The following FHOD3 variants were observed in gnomAD, a reference collection of about 807,000 sequenced individuals.
FHOD3 encodes FH1/FH2 domain-containing protein 3.
Under a neutral mutation model 173.0 loss-of-function variants are expected in FHOD3, and 90 were observed. The observed-to-expected ratio is 0.52, with a 90% CI of 0.44 to 0.62. The LOEUF (loss-of-function observed/expected upper bound fraction) is 0.62, where lower values mean the gene tolerates loss of function less well. Ranked by LOEUF, FHOD3 falls within the 20% of genes least tolerant of loss-of-function variation. FHOD3 has a pLI of 0.00. For missense variants in FHOD3, 1,945 were observed against 2,034.7 expected, an observed-to-expected ratio of 0.96 and a Z score of 0.85; for synonymous variants, 828 against 823.0, an observed-to-expected ratio of 1.01 and a Z score of -0.10.
At chr18:36,363,441 C>A (rs902331091) in intron 2 of FHOD3, among the ~76,000 whole-genome samples, 6 of 152,108 alleles carry the variant, frequency 3.9e-5, no homozygotes, top group Admixed American at 1.3e-4. Flanking sequence ...TTTGTCCATA[C>A]CATGAAATAT....
intron 5 of FHOD3, among the ~76,000 whole-genome samples, chr18:36,561,839 A>G (rs951482814): frequency 6.6e-6 from 1 of 152,092 alleles, no homozygotes; most frequent in African/African-American, 2.4e-5. Flanking sequence ...TTGTGTTGGT[A>G]TTGTTGTAGG....
intron 20 of FHOD3, among the ~76,000 whole-genome samples, chr18:36,731,690 A>T (rs993905146): frequency 2.0e-5 from 3 of 152,084 alleles, no homozygotes; most frequent in Non-Finnish European, 2.9e-5. Context: ...ATGATGCCTG[A>T]CTCCAGAGAG....
intron 5 of FHOD3, among the ~76,000 whole-genome samples, chr18:36,529,800 A>AAAAAAT (rs57000345): frequency 2.3e-4 from 35 of 152,294 alleles, no homozygotes; most frequent in African/African-American, 8.2e-4. Flanking sequence ...ACTCTGTCTC[A>AAAAAAT]AAAAATAAAA....
intron 8 of FHOD3, among the ~76,000 whole-genome samples, chr18:36,610,074 G>A (rs1039400990): frequency 6.6e-6 from 1 of 152,232 alleles, no homozygotes; most frequent in Non-Finnish European, 1.5e-5. Context: ...GGTGAAAGGG[G>A]AAGAAGAAGG....
chr18:36,694,976 GGTGTGTGTGT>G (rs34946996), intron 17 of FHOD3, among the ~76,000 whole-genome samples: 1 of 149,144 alleles, frequency 6.7e-6, no homozygotes, highest in Non-Finnish European at 1.5e-5. Flanking sequence ...TGTATACGTG[GGTGTGTGTGT>G]GTGTGTGTGT....
chr18:36,750,522 G>A (rs1028596254), intron 24 of FHOD3, among the ~76,000 whole-genome samples: 1 of 152,122 alleles, frequency 6.6e-6, no homozygotes, highest in African/African-American at 2.4e-5. Flanking sequence ...TGCTTTCATT[G>A]TGATTGCTTT....
intron 2 of FHOD3, among the ~76,000 whole-genome samples, chr18:36,356,382 T>C (rs1339539871): frequency 6.6e-6 from 1 of 152,218 alleles, no homozygotes; most frequent in Non-Finnish European, 1.5e-5. Flanking sequence ...ATCAGAGATG[T>C]GCACAGAAAG....
chr18:36,511,714 C>T (rs1280001615), intron 4 of FHOD3, among the ~76,000 whole-genome samples: 1 of 152,216 alleles, frequency 6.6e-6, no homozygotes, highest in Non-Finnish European at 1.5e-5. Flanking sequence ...AGGCAATGCC[C>T]TTGCTGCCAG....
At position 36,355,643 on chromosome 18, in the gene FHOD3, C is replaced by T. The variant is rs771131930; in HGVS notation, c.270C>T (p.Ala90=). 1.1e-5 allele frequency: 18 copies of T among 1,613,488 alleles called. No individual in the cohort carries two copies. The highest frequency in any genetic ancestry group is 3.3e-5 in the South Asian group (3 of 91,048). Residue 90 remains alanine (A), a splice_region_variant and synonymous_variant, in exon 2 of 29, where the codon GCC becomes GCT. Transcript: ENST00000590592. Reference sequence around the variant, plus strand: ...AGTTGGAAGGCTTCCAGGATGACGCCGGGTAAGAGCAACTGTTCACCCTGC... The same window carrying T: ...AGTTGGAAGGCTTCCAGGATGACGCTGGGTAAGAGCAACTGTTCACCCTGC... The part of the protein sequence containing the change: ...RDELEGFQDD[A]GRGKKHSIIL...
intron 3 of FHOD3, among the ~76,000 whole-genome samples, chr18:36,472,594 A>G (rs1599274820): frequency 6.6e-6 from 1 of 152,176 alleles, no homozygotes; most frequent in East Asian, 1.9e-4. Flanking sequence ...AGCCCTAGGT[A>G]GCCACTGATC....
chr18:36,620,974 C>G (rs926957179), intron 9 of FHOD3, among the ~76,000 whole-genome samples: 1 of 152,252 alleles, frequency 6.6e-6, no homozygotes, highest in Admixed American at 6.5e-5. Flanking sequence ...AGAATTCTTC[C>G]TAATAGAGAA....
chr18:36,532,668 A>T (rs962249140), intron 5 of FHOD3, among the ~76,000 whole-genome samples: 1 of 152,206 alleles, frequency 6.6e-6, no homozygotes, highest in Non-Finnish European at 1.5e-5. Flanking sequence ...AAGAATCAGT[A>T]GTTACCACGT....
chr18:36,493,405 G>A (rs1186842810), intron 3 of FHOD3, among the ~76,000 whole-genome samples: 5 of 152,044 alleles, frequency 3.3e-5, no homozygotes, highest in African/African-American at 1.2e-4. Flanking sequence ...GGGTTGAAAT[G>A]AGCCATGCTT....
At chr18:36,570,962 G>A (rs1194801077) in intron 5 of FHOD3, among the ~76,000 whole-genome samples, 1 of 152,084 alleles carries the variant, frequency 6.6e-6, no homozygotes, top group African/African-American at 2.4e-5. Flanking sequence ...TAGGAACAAG[G>A]CAAGGGTGTT....
chr18:36,311,140 T>A (rs984545643), intron 1 of FHOD3, among the ~76,000 whole-genome samples: 4 of 151,616 alleles, frequency 2.6e-5, no homozygotes, highest in African/African-American at 9.7e-5. Context: ...GGGGAGTCAC[T>A]GAAAGGCCAC....
rs199588527 is a variant in FHOD3, at chr18:36,328,486, C to T, written c.166-27053C>T. On this transcript the variant is annotated intron_variant, in intron 1 of 28. Transcript: ENST00000590592. ...AAAGAGGAGCTGTGCAAGCTGAGAC[C>T]GGGAAGGGGAAGTCCGTAGGGTCTT... Among the ~76,000 whole-genome samples the T allele has an allele frequency of 4.6e-5, 7 of 152,070 alleles. No individual in the cohort carries two copies. The East Asian group carries it at 7.7e-4, about 17-fold the overall frequency.
chr18:36,351,654 A>G (rs1349544137), intron 1 of FHOD3, among the ~76,000 whole-genome samples: 2 of 152,174 alleles, frequency 1.3e-5, no homozygotes, highest in African/African-American at 2.4e-5. Flanking sequence ...AGAACAGGCC[A>G]TTGTGCTAAG....
intron 1 of FHOD3, among the ~76,000 whole-genome samples, chr18:36,306,701 T>A (rs1374278713): frequency 3.9e-5 from 6 of 152,230 alleles, no homozygotes; most frequent in South Asian, 2.1e-4. Flanking sequence ...TTGTTTTTTT[T>A]AAATCTGTTT....
At position 36,658,184 on chromosome 18, in the gene FHOD3, G is replaced by A; in HGVS notation, c.1831G>A (p.Glu611Lys). The change falls in exon 14 of 29, where the codon GAA becomes AAA. Residue 611 changes from glutamate (E) to lysine (K), a missense_variant. Coordinates refer to ENST00000590592, the MANE Select transcript of FHOD3 (RefSeq NM_001281740.3). ...SVSPPQEARLERSSPSGLLTS... is the reference protein window; with the variant it reads ...SVSPPQEARLKRSSPSGLLTS... The stretch of plus-strand genomic sequence containing the variant: ...CTCACCCCCACAGGAGGCCAGGTTG[G>A]AAAGGTGAGTTCGACAAGCACGCTG... 3 of 1,582,380 alleles carry A rather than the reference G, an allele frequency of 1.9e-6. No homozygotes were observed. The highest frequency in any genetic ancestry group is 2.6e-6 in the Non-Finnish European group (3 of 1,167,270).
Sources: gnomAD v4.1 joint callset for allele counts (sites outside exome capture counted in the v4.1 genomes callset) on GRCh38, gnomAD v4.1.1 for gene constraint, MANE v1.5 for transcripts, NCBI Gene and HGNC (gene_info 2026-07-23, HGNC 2026-07-21) for gene names.